The following ZNG1E variants were observed in gnomAD, a reference collection of about 807,000 sequenced individuals.
ZNG1E encodes the protein Zn regulated GTPase metalloprotein activator 1E.
chr9:65,681,284 A>T, the ZNG1E span, among the ~76,000 whole-genome samples: 3 of 152,088 alleles, frequency 2.0e-5, no homozygotes, highest in African/African-American at 7.2e-5. Flanking sequence ...CAAGAAAAAA[A>T]TGCCTTCATT....
the ZNG1E span, among the ~76,000 whole-genome samples, chr9:65,665,138 T>C: frequency 1.3e-5 from 2 of 152,264 alleles, no homozygotes; most frequent in Non-Finnish European, 2.9e-5. Context: ...CTGCAGAAAT[T>C]TGCATAAGTA....
the ZNG1E span, among the ~76,000 whole-genome samples, chr9:65,714,556 G>A: frequency 6.6e-6 from 1 of 151,882 alleles, no homozygotes; most frequent in Admixed American, 6.6e-5. Flanking sequence ...GTACAGATGG[G>A]TTTTTGGTGT....
chr9:65,673,690 A>G, the ZNG1E span, among the ~76,000 whole-genome samples: 2 of 152,276 alleles, frequency 1.3e-5, no homozygotes, highest in African/African-American at 2.4e-5. Flanking sequence ...CTGGAGTCCC[A>G]GCTACTTGGG....
the ZNG1E span, chr9:65,693,610 T>C: frequency 2.2e-6 from 1 of 463,548 alleles, no homozygotes; most frequent in African/African-American, 2.0e-5. Flanking sequence ...CAGGCTGGAG[T>C]GCAGTGGCAC....
At chr9:65,693,773 T>G in the ZNG1E span, among the ~76,000 whole-genome samples, 1 of 151,852 alleles carries the variant, frequency 6.6e-6, no homozygotes, top group Non-Finnish European at 1.5e-5. Flanking sequence ...ACCAGCCTGG[T>G]CATGAACTCC....
chr9:65,693,813 T>A, the ZNG1E span, among the ~76,000 whole-genome samples: 5 of 151,844 alleles, frequency 3.3e-5, no homozygotes. Flanking sequence ...TGCCTCAGCC[T>A]CCCAAAGTGC....
At chr9:65,660,858 A>AT in the ZNG1E span, among the ~76,000 whole-genome samples, 1 of 143,804 alleles carries the variant, frequency 7.0e-6, no homozygotes, top group African/African-American at 2.6e-5. Flanking sequence ...TATATATAAA[A>AT]TAAAAATTTA....
chr9:65,727,777 TAGAC>T, the ZNG1E span, among the ~76,000 whole-genome samples: 9 of 105,212 alleles, frequency 8.6e-5, no homozygotes, highest in African/African-American at 3.0e-4. Context: ...CCTAAAAAAT[TAGAC>T]AGACAGCAAC....
At chr9:65,719,158 GC>G in the ZNG1E span, among the ~76,000 whole-genome samples, 2 of 132,654 alleles carry the variant, frequency 1.5e-5, no homozygotes, top group Non-Finnish European at 3.1e-5. Context: ...TATAGGGAAG[GC>G]CGTTGCATGA....
the ZNG1E span, among the ~76,000 whole-genome samples, chr9:65,662,058 C>A: frequency 2.0e-5 from 3 of 152,324 alleles, no homozygotes; most frequent in East Asian, 1.9e-4. Flanking sequence ...TGTGGCAGAA[C>A]CCTGCTGACA....
chr9:65,689,440 AT>A, the ZNG1E span, among the ~76,000 whole-genome samples: 3 of 129,088 alleles, frequency 2.3e-5, no homozygotes, highest in Non-Finnish European at 4.8e-5. Flanking sequence ...ATTGCCAAAT[AT>A]TCCCTGGGGA....
chr9:65,683,924 A>G, the ZNG1E span, among the ~76,000 whole-genome samples: 13 of 152,280 alleles, frequency 8.5e-5, no homozygotes, highest in African/African-American at 3.1e-4. Context: ...AATATATTGT[A>G]TGCTTTTATT....
chr9:65,693,746 A>G, the ZNG1E span, among the ~76,000 whole-genome samples: 2 of 151,702 alleles, frequency 1.3e-5, no homozygotes, highest in African/African-American at 2.4e-5. Context: ...TAGTAGAGAC[A>G]GGATTTTACC....
the ZNG1E span, among the ~76,000 whole-genome samples, chr9:65,666,053 TTGAGTTAAC>T: frequency 6.7e-6 from 1 of 149,376 alleles, no homozygotes; most frequent in Middle Eastern, 3.4e-3. Context: ...CTGTGGACTT[TTGAGTTAAC>T]ACTGAAATGA....
At chr9:65,657,827 C>A in the ZNG1E span, among the ~76,000 whole-genome samples, 1 of 152,290 alleles carries the variant, frequency 6.6e-6, no homozygotes, top group Non-Finnish European at 1.5e-5. Context: ...GCCTGCCGGG[C>A]ACATGGCTCA....
chr9:65,683,719 G>A, the ZNG1E span, among the ~76,000 whole-genome samples: 2 of 152,164 alleles, frequency 1.3e-5, no homozygotes, highest in African/African-American at 4.8e-5. Flanking sequence ...GAGTTCAAAT[G>A]TGATCAGTGG....
At chr9:65,689,539 A>C in the ZNG1E span, among the ~76,000 whole-genome samples, 1 of 142,518 alleles carries the variant, frequency 7.0e-6, no homozygotes, top group South Asian at 2.3e-4. Context: ...TTTTAAATAG[A>C]TCTTTCTCAT....
the ZNG1E span, among the ~76,000 whole-genome samples, chr9:65,665,190 G>C: frequency 6.6e-6 from 1 of 152,282 alleles, no homozygotes; most frequent in African/African-American, 2.4e-5. Context: ...TGGGGAAAGT[G>C]TCTCCAGGGC....
At chr9:65,686,634 C>A in the ZNG1E span, among the ~76,000 whole-genome samples, 1 of 152,166 alleles carries the variant, frequency 6.6e-6, no homozygotes, top group Non-Finnish European at 1.5e-5. Flanking sequence ...GACTCCATCT[C>A]AAAATAAATA....
Sources: gnomAD v4.1 joint callset for allele counts (sites outside exome capture counted in the v4.1 genomes callset) on GRCh38, gnomAD v4.1.1 for gene constraint, MANE v1.5 for transcripts, NCBI Gene and HGNC (gene_info 2026-07-23, HGNC 2026-07-21) for gene names.